Variants in POLE observed in about 807,000 individuals in gnomAD.
POLE encodes DNA polymerase epsilon catalytic subunit A.
Under a neutral mutation model 279.2 loss-of-function variants are expected in POLE, and 188 were observed. The observed-to-expected ratio is 0.67, with a 90% CI of 0.60 to 0.76. The LOEUF (loss-of-function observed/expected upper bound fraction) is 0.76. Ranked by LOEUF, POLE falls within the 30% of genes least tolerant of loss-of-function variation. POLE has a pLI of 0.00. For synonymous variants in POLE, 1,214 were observed against 1,172.5 expected, an observed-to-expected ratio of 1.04 and a Z score of -0.72; for missense variants, 2,703 against 3,016.7, an observed-to-expected ratio of 0.90 and a Z score of 2.44.
rs749706824 is a variant in POLE, at chr12:132,668,596, G to A, written c.2026+39C>T. 9.1e-5 allele frequency: 144 copies of A among 1,589,784 alleles called. No individual in the cohort carries two copies. The highest frequency in any genetic ancestry group is 1.2e-4 in the Non-Finnish European group (136 of 1,162,066). ...AAAGGCGGCCGACACTCACCCACCC[G>A]TTTCCCACCGAGTGCCCACCCAGGC... is the stretch of plus-strand genomic sequence containing the variant. On this transcript the variant is annotated intron_variant, in intron 18 of 48. Transcript: ENST00000320574. This position sits in a 1 kb window ranked among gnomAD's most constrained non-coding sequence, Gnocchi z 4.0.
At position 132,668,471 on chromosome 12, in the gene POLE, G is replaced by C. The variant is rs140254249; in HGVS notation, c.2058C>G (p.Ile686Met). The C allele has an allele frequency of 6.2e-7, 1 of 1,608,396 alleles. No homozygotes were observed. The highest frequency in any genetic ancestry group is 8.5e-7 in the Non-Finnish European group (1 of 1,177,032). ...MPASRSEYHR[I>M]QHQLESEKFP... ...ACTTCTCTGACTCCAGCTGGTGCTGGATCCGATGGTATTCGCTGCGACTGG... is the reference window on the plus strand; with the variant it reads ...ACTTCTCTGACTCCAGCTGGTGCTGCATCCGATGGTATTCGCTGCGACTGG... Residue 686 changes from isoleucine (I) to methionine (M), a missense_variant, in exon 19 of 49, where the codon ATC becomes ATG. Ile to Met is a conservative substitution (Grantham distance 10, BLOSUM62 1). Around this residue, in one of 5 missense-constraint regions of POLE, gnomAD observed 1,011 missense variants for 1,111.7 expected, o/e 0.91. Coordinates refer to ENST00000320574, the MANE Select transcript of POLE (RefSeq NM_006231.4). The surrounding 1 kb of genome is among the most constrained non-coding windows in gnomAD (Gnocchi z 4.0).
chr12:132,628,238 A>G (rs984078448), intron 45 of POLE, among the ~76,000 whole-genome samples: 5 of 152,176 alleles, frequency 3.3e-5, no homozygotes, highest in Admixed American at 2.0e-4. Flanking sequence ...GCTACTCGGG[A>G]GGCTGAGGCA....
chr12:132,668,372 C>A lies in POLE; in HGVS notation c.2157G>T (p.Glu719Asp). ...ELSREEQAKY[E>D]KRRLADYCRK... ...GGCACTCACCCGCCAGCCTTCTCTTCTCGTATTTCGCCTGTTCCTCGCGGG... is the reference window on the plus strand; with the variant it reads ...GGCACTCACCCGCCAGCCTTCTCTTATCGTATTTCGCCTGTTCCTCGCGGG... Residue 719 changes from glutamate to aspartate, a missense_variant, in exon 19 of 49, where the codon GAG becomes GAT. This residue lies in a region of POLE where 1,011 missense variants were observed against 1,111.7 expected (regional missense o/e 0.91). Transcript: ENST00000320574. The surrounding 1 kb of genome is among the most constrained non-coding windows in gnomAD (Gnocchi z 4.0). 6.3e-7 allele frequency: 1 copy of A among 1,584,398 alleles called. No individual in the cohort carries two copies. Among genetic ancestry groups the A allele is most frequent in the South Asian group, 1.1e-5 (1 of 87,152 alleles).
At position 132,648,979 on chromosome 12, in the gene POLE, A is replaced by G. The variant is rs979386625; in HGVS notation, c.4099T>C (p.Tyr1367His). 1 of 1,614,120 alleles carries G rather than the reference A, an allele frequency of 6.2e-7. No individual in the cohort carries two copies. The highest frequency in any genetic ancestry group is 8.5e-7 in the Non-Finnish European group (1 of 1,179,996). Reference sequence around the variant, plus strand: ...GCTTTAGCGACTCGCTGGTTCACGTAGAACACACGGGGGATGCTCAGCCTG... The same window carrying G: ...GCTTTAGCGACTCGCTGGTTCACGTGGAACACACGGGGGATGCTCAGCCTG... ...CIRLSIPRVF[Y>H]VNQRVAKAEE... The change falls in exon 32 of 49, where the codon TAC becomes CAC. Residue 1367 changes from tyrosine (Y) to histidine (H), a missense_variant. Physicochemically the swap from Tyr to His is moderately conservative, Grantham distance 83. Around this residue, in one of 5 missense-constraint regions of POLE, gnomAD observed 1,551 missense variants for 1,686.1 expected, o/e 0.92. Transcript: ENST00000320574.
chr12:132,672,149 G>C (rs2042941913), intron 16 of POLE, 66 bp downstream of exon 16: 4 of 1,105,598 alleles, frequency 3.6e-6, no homozygotes, highest in Non-Finnish European at 5.6e-6. Flanking sequence ...ACGTGCTGCT[G>C]AAAGACGTGG....
intron 42 of POLE, among the ~76,000 whole-genome samples, chr12:132,635,204 C>T (rs1324575518): frequency 6.6e-6 from 1 of 152,152 alleles, no homozygotes. Context: ...CCCAGCCAGA[C>T]GTGACCCCTT....
At chr12:132,626,009 G>C (rs962836313) in intron 46 of POLE, 108 bp downstream of exon 46, 33 of 1,188,208 alleles carry the variant, frequency 2.8e-5, no homozygotes, top group Non-Finnish European at 3.1e-5. Flanking sequence ...GAGTCAGAGG[G>C]GCAGCAGGTG....
Position 132,675,400 on chromosome 12 carries a change from G to A in POLE, c.1224C>T (p.Leu408=). The part of the protein sequence containing the change: ...KAPQCIHMDC[L]RWVKRDSYLP... ...CCATGCTGCTCTGTGGCCCCTACCT[G>A]AGGCAGTCCATGTGGATGCACTGGG... is the stretch of plus-strand genomic sequence containing the variant. Residue 408 remains leucine, a splice_region_variant and synonymous_variant, in exon 12 of 49, where the codon CTC becomes CTT. Coordinates refer to ENST00000320574, the MANE Select transcript of POLE (RefSeq NM_006231.4). This position sits in a 1 kb window ranked among gnomAD's most constrained non-coding sequence, Gnocchi z 4.3. 3 of 1,614,018 alleles carry A rather than the reference G, an allele frequency of 1.9e-6. No individual in the cohort carries two copies. The highest frequency in any genetic ancestry group is 2.5e-6 in the Non-Finnish European group (3 of 1,179,978).
chr12:132,676,994 A>C (rs2043068471), intron 8 of POLE, among the ~76,000 whole-genome samples: 1 of 152,206 alleles, frequency 6.6e-6, no homozygotes. Flanking sequence ...ATTTCGGAAA[A>C]GAGAAAACTG....
chr12:132,672,393 T>C (rs2042949941), intron 15 of POLE, 71 bp from the exon 16 acceptor site: 3 of 1,321,686 alleles, frequency 2.3e-6, no homozygotes, highest in Non-Finnish European at 2.2e-6. Flanking sequence ...GGTTTGACGC[T>C]GTGGCTGCAC....
chr12:132,655,608 T>C (rs572976014), intron 29 of POLE, among the ~76,000 whole-genome samples: 22 of 152,338 alleles, frequency 1.4e-4, no homozygotes, highest in African/African-American at 5.3e-4. Flanking sequence ...GGTAAATTCT[T>C]CTTATAATTA....
Position 132,656,098 on chromosome 12 carries a change from T to C in POLE, c.3582+1038A>G, listed in dbSNP as rs536108508. Among the ~76,000 whole-genome samples, 3 of 148,854 alleles carry C rather than the reference T, an allele frequency of 2.0e-5. No individual in the cohort carries two copies. In the South Asian group the frequency reaches 6.3e-4, roughly 31 times the overall value. ...CACTAGAGGCTGAGGCAGAAAAAAA[T>C]TAAAAAAATAAAAATTAGCTAGGCA... On this transcript the variant is annotated intron_variant, in intron 29 of 48. Coordinates refer to ENST00000320574, the MANE Select transcript of POLE (RefSeq NM_006231.4).
chr12:132,686,686 G>A (rs2043276720), intron 1 of POLE, among the ~76,000 whole-genome samples: 1 of 152,030 alleles, frequency 6.6e-6, no homozygotes, highest in African/African-American at 2.4e-5. Flanking sequence ...AGTGAGCCGA[G>A]ATCGCGCCAC....
rs753660907 is a variant in POLE, at chr12:132,672,725, C to A, written c.1588G>T (p.Asp530Tyr). The A allele has an allele frequency of 6.2e-7, 1 of 1,614,038 alleles. No homozygotes were observed. Among genetic ancestry groups the A allele is most frequent in the African/African-American group, 1.3e-5 (1 of 74,940 alleles). ...GTCTCAGAGTCCAGCACGTGTCCGT[C>A]GTCCGTCAGCTTATTGAACTCCTGC... Reference protein sequence around the residue: ...QEQEFNKLTDDGHVLDSETYV... With the variant: ...QEQEFNKLTDYGHVLDSETYV... Residue 530 changes from aspartate (D) to tyrosine (Y), a missense_variant, in exon 15 of 49, where the codon GAC (aspartate) becomes TAC (tyrosine). Coordinates refer to ENST00000320574, the MANE Select transcript of POLE (RefSeq NM_006231.4).
chr12:132,663,297 G>T (rs2042719332), intron 23 of POLE, among the ~76,000 whole-genome samples: 1 of 152,192 alleles, frequency 6.6e-6, no homozygotes, highest in African/African-American at 2.4e-5. Context: ...GCCTGCAGAA[G>T]CCCCTCAGGC....
Position 132,642,517 on chromosome 12 carries a change from G to A in POLE, c.4941C>T (p.Phe1647=), listed in dbSNP as rs145639967. ...AGTACTGTGCTCACCTGCTCATCTC[G>A]AAGGCCTGCGACAGGCAGGTGTCCA... ...LNLDTCLSQA[F]EMSRYFHIPI... The change falls in exon 37 of 49, where the codon TTC becomes TTT. Residue 1647 remains phenylalanine (F), a synonymous_variant. Transcript: ENST00000320574. The A allele has an allele frequency of 1.1e-4, 172 of 1,613,616 alleles. No individual in the cohort carries two copies. The East Asian group carries it at 1.3e-3, about 12-fold the overall frequency.
chr12:132,679,375 C>T, intron 6 of POLE, 122 bp downstream of exon 6: 1 of 940,052 alleles, frequency 1.1e-6, no homozygotes, highest in East Asian at 2.5e-5. Context: ...TACCTAATTG[C>T]TCAAGTTTTC....
chr12:132,686,675 C>T (rs2043276469), intron 1 of POLE, among the ~76,000 whole-genome samples: 1 of 152,104 alleles, frequency 6.6e-6, no homozygotes, highest in Non-Finnish European at 1.5e-5. Flanking sequence ...GCAGAGGTTG[C>T]AGTGAGCCGA....
At chr12:132,640,760 T>C (rs10870482) in intron 39 of POLE, among the ~76,000 whole-genome samples, 81,435 of 152,112 alleles carry the variant, frequency 0.54, 23,109 homozygotes, top group African/African-American at 0.72. Context: ...TTCAATAATT[T>C]GGCAAACCCC....
Sources: gnomAD v4.1 joint callset for allele counts (sites outside exome capture counted in the v4.1 genomes callset) on GRCh38, gnomAD v4.1.1 for gene constraint, gnomAD v4.1.1 regional missense constraint, Gnocchi (gnomAD v3.1) non-coding constraint, MANE v1.5 for transcripts, NCBI Gene and HGNC (gene_info 2026-07-23, HGNC 2026-07-21) for gene names.